The following TENM3 variants were observed in gnomAD, a reference collection of about 807,000 sequenced individuals.
TENM3 encodes teneurin transmembrane protein 3.
TENM3 carries 63 observed loss-of-function variants against 255.1 expected under a neutral mutation model. That is an observed-to-expected ratio of 0.25 (90% CI 0.20 to 0.30). The LOEUF (loss-of-function observed/expected upper bound fraction) is 0.30, where lower values mean the gene tolerates loss of function less well. TENM3 is among the 10% of genes least tolerant of loss of function. The pLI, the probability that TENM3 is intolerant of heterozygous loss-of-function variation, is 1.00. For synonymous variants in TENM3, 1,306 were observed against 1,322.3 expected (o/e 0.99, Z 0.27); for missense variants, 2,929 against 3,461.1 (o/e 0.85, Z 3.86).
At chr4:182,466,386 C>A (rs932986360) in intron 3 of TENM3, among the ~76,000 whole-genome samples, 2 of 152,160 alleles carry the variant, frequency 1.3e-5, no homozygotes, top group Admixed American at 6.5e-5. Context: ...ATTTTACCTC[C>A]ATTTTCATGT....
the TENM3 span, among the ~76,000 whole-genome samples, chr4:181,573,641 CTG>C: frequency 6.6e-6 from 1 of 152,172 alleles, no homozygotes; most frequent in African/African-American, 2.4e-5. Context: ...ATTTCTCTGT[CTG>C]TCTGTCTCTC....
chr4:182,610,868 C>T (rs531154168), intron 4 of TENM3, among the ~76,000 whole-genome samples: 15 of 151,626 alleles, frequency 9.9e-5, no homozygotes, highest in African/African-American at 3.4e-4. Context: ...CTCAGCCTCC[C>T]GAGTAGCTGA....
chr4:181,980,672 C>T, the TENM3 span, among the ~76,000 whole-genome samples: 1 of 152,038 alleles, frequency 6.6e-6, no homozygotes, highest in African/African-American at 2.4e-5. Context: ...GCTCTTTTTC[C>T]ATGTATCTAA....
At chr4:182,772,648 C>G (rs1764340973) in intron 22 of TENM3, 2 of 151,644 alleles carry the variant, frequency 1.3e-5, no homozygotes, top group African/African-American at 2.4e-5. Flanking sequence ...ATTCTTCAGT[C>G]AAATGTTGTA....
chr4:181,800,994 G>C, the TENM3 span, among the ~76,000 whole-genome samples: 1 of 152,188 alleles, frequency 6.6e-6, no homozygotes, highest in Non-Finnish European at 1.5e-5. Context: ...ATAACAGCAA[G>C]ATAGCCAAGT....
At chr4:181,666,669 G>T in the TENM3 span, among the ~76,000 whole-genome samples, 3 of 152,096 alleles carry the variant, frequency 2.0e-5, no homozygotes, top group Non-Finnish European at 4.4e-5. Context: ...AACAGTAGCT[G>T]CAGCAATTGT....
At chr4:182,239,655 A>G (rs1757115098), upstream of TENM3, among the ~76,000 whole-genome samples, 1 of 152,208 alleles carries the variant, frequency 6.6e-6, no homozygotes, top group Admixed American at 6.5e-5. Context: ...GTCTAGTTAG[A>G]AAAGATTTCA....
At chr4:182,667,098 C>A (rs968065682) in intron 6 of TENM3, among the ~76,000 whole-genome samples, 1 of 152,150 alleles carries the variant, frequency 6.6e-6, no homozygotes, top group African/African-American at 2.4e-5. Flanking sequence ...TTCATTAGCT[C>A]ATTTAATTTA....
In TENM3 at chr4:182,799,423, G is replaced by A. The variant is rs1005801684; in HGVS notation, c.7345-173G>A. On this transcript the variant is annotated intron_variant, in intron 27 of 27. Coordinates refer to ENST00000511685, the MANE Select transcript of TENM3 (RefSeq NM_001080477.4). The surrounding 1 kb of genome is among the most constrained non-coding windows in gnomAD (Gnocchi z 4.2). ...TTCCAGAGCATCGGGATCACCTTGA[G>A]GGGGAGGGATCTCGAGTGCTCCCTC... Among the ~76,000 whole-genome samples the A allele has an allele frequency of 1.3e-5, 2 of 152,220 alleles. No individual in the cohort carries two copies. The highest frequency in any genetic ancestry group is 1.9e-4 in the East Asian group (1 of 5,196).
At chr4:181,540,161 G>C in the TENM3 span, among the ~76,000 whole-genome samples, 1 of 151,942 alleles carries the variant, frequency 6.6e-6, no homozygotes, top group African/African-American at 2.4e-5. Flanking sequence ...AGACCTCAAG[G>C]GCCTATTACA....
chr4:182,310,989 C>T (rs1440261308), intron 1 of TENM3, among the ~76,000 whole-genome samples: 2 of 152,296 alleles, frequency 1.3e-5, no homozygotes, highest in South Asian at 2.1e-4. Flanking sequence ...GGATTACAGG[C>T]GTGAGCCACT....
intron 2 of TENM3, among the ~76,000 whole-genome samples, chr4:182,328,325 C>G (rs1316989816): frequency 6.6e-6 from 1 of 152,076 alleles, no homozygotes; most frequent in Non-Finnish European, 1.5e-5. Context: ...AAGCAATTTT[C>G]CTGCCTCAGC....
At chr4:181,647,544 T>G in the TENM3 span, among the ~76,000 whole-genome samples, 1 of 152,328 alleles carries the variant, frequency 6.6e-6, no homozygotes, top group African/African-American at 2.4e-5. Context: ...TTTGATCCTA[T>G]GTTTGCTTTT....
At chr4:182,776,456 A>G (rs1764698719) in intron 24 of TENM3, among the ~76,000 whole-genome samples, 1 of 152,178 alleles carries the variant, frequency 6.6e-6, no homozygotes, top group South Asian at 2.1e-4. Flanking sequence ...CCTGACCCTA[A>G]CGCAGATAGC....
chr4:181,467,867 A>G, the TENM3 span, among the ~76,000 whole-genome samples: 1 of 152,188 alleles, frequency 6.6e-6, no homozygotes, highest in Non-Finnish European at 1.5e-5. Context: ...AGATATTTTC[A>G]TTACTTTCAT....
At chr4:182,567,685 T>C (rs892178011) in intron 3 of TENM3, among the ~76,000 whole-genome samples, 1 of 152,090 alleles carries the variant, frequency 6.6e-6, no homozygotes, top group African/African-American at 2.4e-5. Context: ...TCAATGTTCC[T>C]GCTTAAAATT....
At chr4:181,485,489 T>TAAA in the TENM3 span, among the ~76,000 whole-genome samples, 274 of 151,570 alleles carry the variant, frequency 1.8e-3, no homozygotes, top group Middle Eastern at 0.017. Context: ...AGATTTTTTT[T>TAAA]AAAAAAAAGA....
At chr4:181,847,581 T>C in the TENM3 span, among the ~76,000 whole-genome samples, 6 of 152,194 alleles carry the variant, frequency 3.9e-5, no homozygotes, top group East Asian at 9.6e-4. Flanking sequence ...ACATATTATA[T>C]AACATATTGT....
At position 182,458,134 on chromosome 4, in the gene TENM3, T is replaced by G. The variant is rs111311184; in HGVS notation, c.511+111205T>G. On this transcript the variant is annotated intron_variant, in intron 3 of 27. Coordinates refer to ENST00000511685, the MANE Select transcript of TENM3 (RefSeq NM_001080477.4). ...TCCTGTTTTTGTTTTTAATTCAGATTTTTTAAATGAGGTGTGATCATCTAT... is the reference window on the plus strand; with the variant it reads ...TCCTGTTTTTGTTTTTAATTCAGATGTTTTAAATGAGGTGTGATCATCTAT... 5.4e-3 allele frequency among the ~76,000 whole-genome samples: 815 copies of G among 152,324 alleles called. 12 individuals are homozygous for G. The highest frequency in any genetic ancestry group is 0.019 in the African/African-American group (775 of 41,580).
Sources: gnomAD v4.1 joint callset for allele counts (sites outside exome capture counted in the v4.1 genomes callset) on GRCh38, gnomAD v4.1.1 for gene constraint, Gnocchi (gnomAD v3.1) non-coding constraint, MANE v1.5 for transcripts, NCBI Gene and HGNC (gene_info 2026-07-23, HGNC 2026-07-21) for gene names.